The following CDH23 variants were observed in gnomAD, a reference collection of about 807,000 sequenced individuals.
CDH23 encodes cadherin-23.
Under a neutral mutation model 317.1 loss-of-function variants are expected in CDH23, and 189 were observed. The ratio of observed to expected loss-of-function variants is 0.60; its 90% CI spans 0.53 to 0.67. The LOEUF (loss-of-function observed/expected upper bound fraction) is 0.67, where lower values mean the gene tolerates loss of function less well. CDH23 is among the 30% of genes least tolerant of loss of function. CDH23 has a pLI of 0.00. For synonymous variants in CDH23, 1,839 were observed against 1,876.8 expected (o/e 0.98, Z 0.52); for missense variants, 4,401 against 4,592.4 (o/e 0.96, Z 1.20).
At chr10:71,792,852 A>AAATAT (rs1841297946) in intron 47 of CDH23, among the ~76,000 whole-genome samples, 1 of 38,520 alleles carries the variant, frequency 2.6e-5, no homozygotes. Flanking sequence ...AAAAAAAAAA[A>AAATAT]ATATATATAT....
chr10:71,641,174 T>C (rs868156761), intron 11 of CDH23, among the ~76,000 whole-genome samples: 42 of 152,316 alleles, frequency 2.8e-4, no homozygotes, highest in African/African-American at 9.6e-4. Context: ...CCTGCCGCAG[T>C]GATGTCTTCC....
intron 19 of CDH23, among the ~76,000 whole-genome samples, chr10:71,688,993 A>G (rs369484965): frequency 0.37 from 1,892 of 5,156 alleles, 210 homozygotes; most frequent in Middle Eastern, 0.5. Flanking sequence ...GGAGTCAGGG[A>G]TGGTGGAGCC....
chr10:71,418,783 G>A (rs892287448), intron 1 of CDH23, among the ~76,000 whole-genome samples: 2 of 152,118 alleles, frequency 1.3e-5, no homozygotes, highest in African/African-American at 4.8e-5. Flanking sequence ...AATCATAATT[G>A]CAAGTGGTAC....
chr10:71,469,390 T>C (rs1851401975), intron 3 of CDH23, among the ~76,000 whole-genome samples: 1 of 152,040 alleles, frequency 6.6e-6, no homozygotes, highest in Non-Finnish European at 1.5e-5. Flanking sequence ...CATGGAATAA[T>C]ACTGTATGTA....
At chr10:71,589,262 G>A (rs1859296590) in intron 9 of CDH23, among the ~76,000 whole-genome samples, 2 of 152,110 alleles carry the variant, frequency 1.3e-5, no homozygotes, top group South Asian at 2.1e-4. Context: ...TGGGACTACA[G>A]GCACCCGCCA....
Position 71,397,206 on chromosome 10 carries a change from C to T in CDH23, c.-118C>T. ...CGCCGCGGATGAGCCTTCGCGCCGGCGGGAAGACGCGGCGGTGGCCAGGGC... is the reference window on the plus strand; with the variant it reads ...CGCCGCGGATGAGCCTTCGCGCCGGTGGGAAGACGCGGCGGTGGCCAGGGC... On this transcript the variant is annotated 5_prime_UTR_variant, in exon 1 of 70. Transcript: ENST00000224721. This position sits in a 1 kb window ranked among gnomAD's most constrained non-coding sequence, Gnocchi z 4.8. 1 of 242,404 alleles carries T rather than the reference C, an allele frequency of 4.1e-6. No homozygotes were observed. The highest frequency in any genetic ancestry group is 8.3e-6 in the Non-Finnish European group (1 of 120,756). 15.0% of individuals were successfully genotyped at this position (242,404 alleles called of 1,614,324 possible).
intron 3 of CDH23, among the ~76,000 whole-genome samples, chr10:71,459,836 C>T (rs546323302): frequency 6.6e-6 from 1 of 152,316 alleles, no homozygotes; most frequent in African/African-American, 2.4e-5. Context: ...TGTTCTTCTT[C>T]ATACGGTGGC....
Position 71,482,491 on chromosome 10 carries a change from G to A in CDH23, c.146-27591G>A, listed in dbSNP as rs115731797. Among the ~76,000 whole-genome samples the A allele has an allele frequency of 7.2e-3, 1,089 of 152,302 alleles. 15 individuals are homozygous for A. The highest frequency in any genetic ancestry group is 0.025 in the African/African-American group (1,036 of 41,576). ...TTTCTTGACCCTTGGGAAGCCTCCT[G>A]TTCTCTAGGCCATAGTGGACACCTG... On this transcript the variant is annotated intron_variant, in intron 3 of 69. Coordinates refer to ENST00000224721, the MANE Select transcript of CDH23 (RefSeq NM_022124.6).
At position 71,566,916 on chromosome 10, in the gene CDH23, C is replaced by G; in HGVS notation, c.604C>G (p.Gln202Glu). ...GGACTACGAGACCACACAGGCCTACCAGCTCACGGTCAACGCCACAGTGAG... is the reference window on the plus strand; with the variant it reads ...GGACTACGAGACCACACAGGCCTACGAGCTCACGGTCAACGCCACAGTGAG... ...ELDYETTQAY[Q>E]LTVNATDQDK... The change falls in exon 7 of 70, where the codon CAG (glutamine) becomes GAG (glutamate). Residue 202 changes from glutamine (Q) to glutamate (E), a missense_variant. Gln to Glu is a conservative substitution (Grantham distance 29, BLOSUM62 2). Coordinates refer to ENST00000224721, the MANE Select transcript of CDH23 (RefSeq NM_022124.6). The G allele has an allele frequency of 6.2e-7, 1 of 1,613,202 alleles. No homozygotes were observed.
At position 71,802,973 on chromosome 10, in the gene CDH23, G is replaced by A. The variant is rs1841599143; in HGVS notation, c.7558G>A (p.Glu2520Lys). 3.1e-6 allele frequency: 5 copies of A among 1,614,032 alleles called. No individual in the cohort carries two copies. The highest frequency in any genetic ancestry group is 3.4e-6 in the Non-Finnish European group (4 of 1,179,898). ...GCCCCAGTTCAGCACAAGCGTGTATGAGAATGAGCCGGCGGGCACCTCGGT... is the reference window on the plus strand; with the variant it reads ...GCCCCAGTTCAGCACAAGCGTGTATAAGAATGAGCCGGCGGGCACCTCGGT... ...SKPQFSTSVYENEPAGTSVIT... is the reference protein window; with the variant it reads ...SKPQFSTSVYKNEPAGTSVIT... Residue 2520 changes from glutamate to lysine, a missense_variant, in exon 54 of 70, where the codon GAG becomes AAG. Coordinates refer to ENST00000224721, the MANE Select transcript of CDH23 (RefSeq NM_022124.6).
intron 1 of CDH23, among the ~76,000 whole-genome samples, chr10:71,437,997 G>A (rs890967981): frequency 4.6e-5 from 7 of 152,230 alleles, no homozygotes; most frequent in African/African-American, 1.7e-4. Flanking sequence ...CACAGGGATA[G>A]GATGTGTAGG....
chr10:71,429,929 G>A lies in CDH23; in HGVS notation c.-5-9898G>A, dbSNP rs556088701. ...AGCTGAGATAGGTGCCTCCAACAAT[G>A]TAGTAAGGATGAGGACAACTCAGCT... On this transcript the variant is annotated intron_variant, in intron 1 of 69. Transcript: ENST00000224721. 3.0e-4 allele frequency among the ~76,000 whole-genome samples: 46 copies of A among 152,322 alleles called. 2 individuals are homozygous for A. In the South Asian group the frequency reaches 9.5e-3, roughly 32 times the overall value.
At chr10:71,569,330 G>A (rs1857623057) in intron 7 of CDH23, among the ~76,000 whole-genome samples, 1 of 152,216 alleles carries the variant, frequency 6.6e-6, no homozygotes, top group Admixed American at 6.5e-5. Flanking sequence ...TGCAGGCCAG[G>A]AGGAGGCACC....
At chr10:71,637,090 G>C (rs1459724134) in intron 11 of CDH23, among the ~76,000 whole-genome samples, 1 of 152,188 alleles carries the variant, frequency 6.6e-6, no homozygotes, top group Non-Finnish European at 1.5e-5. Context: ...ACCTCCTGCC[G>C]AGGTCCCCTT....
chr10:71,464,243 G>A (rs1439826429), intron 3 of CDH23, among the ~76,000 whole-genome samples: 1 of 152,212 alleles, frequency 6.6e-6, no homozygotes, highest in Admixed American at 6.5e-5. Flanking sequence ...CCTATAAGGT[G>A]CCAGGTGCTT....
chr10:71,755,523 C>T (rs1840118552), intron 38 of CDH23: 1 of 1,500,934 alleles, frequency 6.7e-7, no homozygotes. Flanking sequence ...TCCTCCTGAG[C>T]ATAAACTGAG....
At chr10:71,688,910 G>GT (rs1456794882) in intron 19 of CDH23, among the ~76,000 whole-genome samples, 6 of 125,336 alleles carry the variant, frequency 4.8e-5, no homozygotes, top group Admixed American at 1.5e-4. Flanking sequence ...GGATGGTGGA[G>GT]CCAGGGGTGG....
chr10:71,725,382 C>T lies in CDH23; in HGVS notation c.3441C>T (p.Gly1147=), dbSNP rs764237187. The T allele has an allele frequency of 1.2e-6, 2 of 1,614,020 alleles. No individual in the cohort carries two copies. Among genetic ancestry groups the T allele is most frequent in the Non-Finnish European group, 1.7e-6 (2 of 1,179,890 alleles). ...TGTCCCTCCACACAGGTAACCATGG[C>T]AACAACTTCCGGATCCATGTCAGCA... is the stretch of plus-strand genomic sequence containing the variant. ...VWYRILHGNH[G]NNFRIHVSNG... The change falls in exon 30 of 70, where the codon GGC becomes GGT. Residue 1147 remains glycine (G), a synonymous_variant. Transcript: ENST00000224721.
chr10:71,424,075 G>A (rs929268714), intron 1 of CDH23, among the ~76,000 whole-genome samples: 32 of 152,276 alleles, frequency 2.1e-4, no homozygotes, highest in African/African-American at 6.3e-4. Flanking sequence ...GACACGCATC[G>A]CGTGCCAGGT....
Sources: allele counts gnomAD v4.1 joint callset (sites outside exome capture counted in the v4.1 genomes callset), GRCh38; gene constraint gnomAD v4.1.1; non-coding constraint Gnocchi (gnomAD v3.1); transcripts MANE v1.5; gene names NCBI Gene and HGNC (gene_info 2026-07-23, HGNC 2026-07-21).